Variants in PTPRK observed in about 807,000 individuals in gnomAD.
The protein encoded by PTPRK is receptor-type tyrosine-protein phosphatase kappa.
A neutral mutation model predicts 178.0 loss-of-function variants in PTPRK; 75 were observed. The observed-to-expected ratio is 0.42, with a 90% CI of 0.35 to 0.51. The LOEUF (loss-of-function observed/expected upper bound fraction) is 0.51, where lower values mean the gene tolerates loss of function less well. Ranked by LOEUF, PTPRK falls within the 20% of genes least tolerant of loss-of-function variation. The pLI is 0.02. For missense variants in PTPRK, 1,441 were observed against 1,797.8 expected (o/e 0.80, Z 3.59); for synonymous variants, 637 against 620.6 (o/e 1.03, Z -0.39).
At chr6:128,483,380 TTG>T (rs1013676059) in intron 1 of PTPRK, among the ~76,000 whole-genome samples, 9 of 152,130 alleles carry the variant, frequency 5.9e-5, no homozygotes, top group Admixed American at 1.3e-4. Context: ...ATCTGCTACT[TTG>T]TGTGTTTAAA....
chr6:128,089,681 T>C lies in PTPRK; in HGVS notation c.1465+9A>G, dbSNP rs769039397. 1.3e-6 allele frequency: 2 copies of C among 1,596,724 alleles called. No individual in the cohort carries two copies. Among genetic ancestry groups the C allele is most frequent in the African/African-American group, 2.7e-5 (2 of 74,510 alleles). On this transcript the variant is annotated intron_variant, in intron 8 of 29. Transcript: ENST00000368226. ...TTCCCCCCTTTTAAACAGCAAAGTA[T>C]GAGCATACCATCTTCATCAGTTTGA...
chr6:128,017,812 A>G (rs867108950), intron 13 of PTPRK, among the ~76,000 whole-genome samples: 5,221 of 129,048 alleles, frequency 0.04, 425 homozygotes, highest in African/African-American at 0.16. Context: ...GTATATATAT[A>G]TATATATATA....
At chr6:127,993,451 T>C (rs897703118) in intron 18 of PTPRK, among the ~76,000 whole-genome samples, 1 of 151,632 alleles carries the variant, frequency 6.6e-6, no homozygotes, top group East Asian at 1.9e-4. Flanking sequence ...AAAGCATAAG[T>C]TGTAAAAATG....
At chr6:128,339,669 GA>G (rs898438607) in intron 2 of PTPRK, among the ~76,000 whole-genome samples, 21 of 150,452 alleles carry the variant, frequency 1.4e-4, no homozygotes, top group African/African-American at 4.2e-4. Flanking sequence ...CTGGAACACA[GA>G]AAAAAAAATA....
chr6:128,145,462 C>T (rs908179035), intron 7 of PTPRK, among the ~76,000 whole-genome samples: 4 of 152,064 alleles, frequency 2.6e-5, no homozygotes, highest in African/African-American at 9.7e-5. Context: ...TTAATAAAGA[C>T]ATTAATGCTC....
rs1165345305 is a variant in PTPRK at position 128,005,202 on chromosome 6, C to T, written c.2376G>A (p.Arg792=). ...KKRKDAMGNT[R]QEMTHMVNAM... is the part of the protein sequence containing the mutation. ...CATTCACCATGTGAGTCATCTCCTGCCGGGTATTCCCCATGGCATCTTTGC... is the reference window on the plus strand; with the variant it reads ...CATTCACCATGTGAGTCATCTCCTGTCGGGTATTCCCCATGGCATCTTTGC... Residue 792 remains arginine, a synonymous_variant, in exon 15 of 30, where the codon CGG becomes CGA. Coordinates refer to ENST00000368226, the MANE Select transcript of PTPRK (RefSeq NM_002844.4). 2 of 1,611,380 alleles carry T rather than the reference C, an allele frequency of 1.2e-6. No individual in the cohort carries two copies. The highest frequency in any genetic ancestry group is 1.7e-6 in the Non-Finnish European group (2 of 1,178,396).
chr6:128,347,048 A>G (rs1012615193), intron 2 of PTPRK, among the ~76,000 whole-genome samples: 13 of 152,298 alleles, frequency 8.5e-5, no homozygotes, highest in African/African-American at 3.1e-4. Context: ...AGAAAAGGAA[A>G]ACCATTCTAT....
chr6:128,397,528 C>T, intron 2 of PTPRK, 38 bp downstream of exon 2: 1 of 1,607,048 alleles, frequency 6.2e-7, no homozygotes. Flanking sequence ...TACTGCAAAA[C>T]TATTCCCCCA....
At chr6:128,436,896 G>GAAT (rs1399429671) in intron 1 of PTPRK, among the ~76,000 whole-genome samples, 1 of 152,178 alleles carries the variant, frequency 6.6e-6, no homozygotes, top group African/African-American at 2.4e-5. Context: ...TACGCAGGAT[G>GAAT]AATAAGGCCC....
chr6:127,980,537 T>TTGTTC (rs1775206780), intron 25 of PTPRK, among the ~76,000 whole-genome samples: 1 of 151,920 alleles, frequency 6.6e-6, no homozygotes. Flanking sequence ...TCTTTCCATA[T>TTGTTC]TGTTCTGTCT....
At chr6:128,016,144 C>T (rs1223961123) in intron 13 of PTPRK, among the ~76,000 whole-genome samples, 2 of 151,574 alleles carry the variant, frequency 1.3e-5, no homozygotes, top group Non-Finnish European at 3.0e-5. Flanking sequence ...ATGGCTAGGA[C>T]CCCTATTACA....
At chr6:128,094,209 T>C (rs1342526434) in intron 7 of PTPRK, among the ~76,000 whole-genome samples, 3 of 152,188 alleles carry the variant, frequency 2.0e-5, no homozygotes, top group African/African-American at 7.2e-5. Flanking sequence ...TGAACTTACC[T>C]GATAGGCCAT....
intron 2 of PTPRK, among the ~76,000 whole-genome samples, chr6:128,331,306 A>AT (rs1830248402): frequency 6.6e-6 from 1 of 152,116 alleles, no homozygotes; most frequent in Admixed American, 6.6e-5. Context: ...AAAATATACC[A>AT]TATCTGTCTG....
intron 6 of PTPRK, among the ~76,000 whole-genome samples, chr6:128,199,573 AAGGGAGGG>A (rs67322703): frequency 1.5e-4 from 20 of 130,206 alleles, no homozygotes; most frequent in African/African-American, 4.2e-4. Flanking sequence ...TCAAGGAAGG[AAGGGAGGG>A]AGGGAGGGAG....
chr6:128,132,790 C>T lies in PTPRK; in HGVS notation c.1163-42798G>A, dbSNP rs28522690. Among the ~76,000 whole-genome samples the T allele has an allele frequency of 6.6e-5, 10 of 152,344 alleles. No homozygotes were observed. The South Asian group carries it at 1.2e-3, about 19-fold the overall frequency. On this transcript the variant is annotated intron_variant, in intron 7 of 29. Coordinates refer to ENST00000368226, the MANE Select transcript of PTPRK (RefSeq NM_002844.4). ...AGTCTAATAGATAAAACGGCAAAAA[C>T]TAATGGATATGACAAACCATCCTTC...
At chr6:128,346,925 T>G (rs1199800030) in intron 2 of PTPRK, among the ~76,000 whole-genome samples, 2 of 152,124 alleles carry the variant, frequency 1.3e-5, no homozygotes, top group African/African-American at 4.8e-5. Context: ...TTAATTTACA[T>G]GCAACAAAAG....
chr6:128,178,619 T>A (rs761629724), intron 7 of PTPRK, among the ~76,000 whole-genome samples: 29 of 151,878 alleles, frequency 1.9e-4, no homozygotes, highest in Non-Finnish European at 4.0e-4. Flanking sequence ...GGATTTCCTG[T>A]TTCTGATTTG....
At chr6:128,315,255 G>T (rs866074661) in intron 3 of PTPRK, among the ~76,000 whole-genome samples, 3 of 152,024 alleles carry the variant, frequency 2.0e-5, no homozygotes, top group Admixed American at 6.6e-5. Context: ...ACCAAACCTT[G>T]TCTCTAGGTA....
At chr6:127,972,667 T>C (rs1774064578) in intron 29 of PTPRK, among the ~76,000 whole-genome samples, 1 of 152,206 alleles carries the variant, frequency 6.6e-6, no homozygotes, top group East Asian at 1.9e-4. Flanking sequence ...TCTAAGGTAC[T>C]GATGAAACCT....
Sources: gnomAD v4.1 joint callset for allele counts (sites outside exome capture counted in the v4.1 genomes callset) on GRCh38, gnomAD v4.1.1 for gene constraint, MANE v1.5 for transcripts, NCBI Gene and HGNC (gene_info 2026-07-23, HGNC 2026-07-21) for gene names.